LEMD1: variants seen among roughly 807,000 people sequenced by gnomAD.
The protein encoded by LEMD1 is LEM domain containing 1, also known as LEM domain-containing protein 1.
A neutral mutation model predicts 17.4 loss-of-function variants in LEMD1; 18 were observed. That is an observed-to-expected ratio of 1.04 (90% CI 0.72 to 1.54). The LOEUF (loss-of-function observed/expected upper bound fraction) is 1.54. LEMD1 is among the 40% of genes most tolerant of loss of function. LEMD1 has a pLI of 0.00. For synonymous variants in LEMD1, 88 were observed against 77.8 expected (o/e 1.13, Z -0.69); for missense variants, 195 against 210.4 (o/e 0.93, Z 0.45).
chr1:205,401,659 C>T (rs1320848630), intron 4 of LEMD1, among the ~76,000 whole-genome samples: 2 of 152,270 alleles, frequency 1.3e-5, no homozygotes, highest in African/African-American at 4.8e-5. Context: ...CCTGTTCACT[C>T]TTTTGCTGTG....
intron 1 of LEMD1, 25 bp from the exon 2 acceptor site, chr1:205,420,599 C>T: frequency 1.6e-6 from 2 of 1,230,526 alleles, no homozygotes; most frequent in Non-Finnish European, 1.2e-6. Flanking sequence ...ACATTAAATT[C>T]ATTAAGACAG....
chr1:205,413,548 T>G (rs1665548166), intron 4 of LEMD1, among the ~76,000 whole-genome samples: 1 of 150,060 alleles, frequency 6.7e-6, no homozygotes, highest in Non-Finnish European at 1.5e-5. Context: ...CTCAGCCTCC[T>G]GAATAGCTGG....
At chr1:205,382,027 G>A in intron 5 of LEMD1, 171 bp from the exon 6 acceptor site, 1 of 628,162 alleles carries the variant, frequency 1.6e-6, no homozygotes, top group South Asian at 2.0e-5. Flanking sequence ...TTTAAGACAG[G>A]ATCTTGTTCT....
chr1:205,412,081 G>C (rs1473048945), intron 4 of LEMD1, among the ~76,000 whole-genome samples: 2 of 152,104 alleles, frequency 1.3e-5, no homozygotes, highest in African/African-American at 2.4e-5. Flanking sequence ...ATCCCTTCAG[G>C]TTAGTGTCCT....
At chr1:205,400,197 G>A (rs984457017) in intron 4 of LEMD1, among the ~76,000 whole-genome samples, 2 of 152,178 alleles carry the variant, frequency 1.3e-5, no homozygotes, top group African/African-American at 4.8e-5. Flanking sequence ...AGGTAGCTGG[G>A]ACTACGGGCA....
chr1:205,410,804 C>G (rs922205299), intron 4 of LEMD1, among the ~76,000 whole-genome samples: 4 of 151,542 alleles, frequency 2.6e-5, no homozygotes, highest in African/African-American at 9.7e-5. Context: ...GAGGTCAAGG[C>G]TGCAGTGAAT....
intron 4 of LEMD1, among the ~76,000 whole-genome samples, chr1:205,411,276 A>G (rs1293531499): frequency 6.6e-6 from 1 of 151,452 alleles, no homozygotes; most frequent in Non-Finnish European, 1.5e-5. Context: ...GAAAGAAGAA[A>G]GAAAGAGAGG....
At chr1:205,421,760 T>A (rs1574999209) in intron 1 of LEMD1, among the ~76,000 whole-genome samples, 1 of 152,196 alleles carries the variant, frequency 6.6e-6, no homozygotes, top group Non-Finnish European at 1.5e-5. Context: ...GGACAATGCA[T>A]CTCAGCACCT....
At position 205,381,681 on chromosome 1, in the gene LEMD1, C is replaced by T. The variant is rs1161213640; in HGVS notation, c.523G>A (p.Glu175Lys). The change falls in exon 6 of 6, where the codon GAA (glutamate) becomes AAA (lysine). Residue 175 changes from glutamate to lysine, a missense_variant. Glu to Lys is a moderately conservative substitution (Grantham distance 56, BLOSUM62 1). Coordinates refer to ENST00000367153, the MANE Select transcript of LEMD1 (RefSeq NM_001199050.2). ...IIVVFVYLTV[E>K]NKSLFG ...ACTTAACCAAACAGCGACTTATTTT[C>T]CACAGTCAGGTAGACAAACACCACA... 3 of 1,614,116 alleles carry T rather than the reference C, an allele frequency of 1.9e-6. No individual in the cohort carries two copies. The highest frequency in any genetic ancestry group is 2.5e-6 in the Non-Finnish European group (3 of 1,180,052).
chr1:205,411,605 GGAAGGAAA>G (rs1374590136), intron 4 of LEMD1, among the ~76,000 whole-genome samples: 18 of 136,256 alleles, frequency 1.3e-4, no homozygotes, highest in East Asian at 2.1e-4. Flanking sequence ...AAGGAAGGTA[GGAAGGAAA>G]GAAGGAAAGA....
chr1:205,447,748 C>A (rs1302314659), intron 1 of LEMD1, among the ~76,000 whole-genome samples: 2 of 90,372 alleles, frequency 2.2e-5, no homozygotes, highest in Admixed American at 1.2e-4. Flanking sequence ...TCCAGCCTGT[C>A]GCCCGGGGGA....
At position 205,395,123 on chromosome 1, in the gene LEMD1, G is replaced by A. The variant is rs149483462; in HGVS notation, c.271-10759C>T. On this transcript the variant is annotated intron_variant, in intron 4 of 5. Coordinates refer to ENST00000367153, the MANE Select transcript of LEMD1 (RefSeq NM_001199050.2). ...AAGGAAATACATACTGAAATTTTGGGCAGAGGTCAAAAAAACATGATGTCT... is the reference window on the plus strand; with the variant it reads ...AAGGAAATACATACTGAAATTTTGGACAGAGGTCAAAAAAACATGATGTCT... 3.3e-5 allele frequency among the ~76,000 whole-genome samples: 5 copies of A among 152,088 alleles called. No individual in the cohort carries two copies. In the East Asian group the frequency reaches 9.6e-4, roughly 29 times the overall value.
chr1:205,407,272 G>A (rs1665158958), intron 4 of LEMD1, among the ~76,000 whole-genome samples: 1 of 146,348 alleles, frequency 6.8e-6, no homozygotes, highest in Admixed American at 7.1e-5. Flanking sequence ...GGAGGTTGCA[G>A]TAAGCTGAAA....
chr1:205,401,318 G>A (rs1440073581), intron 4 of LEMD1, among the ~76,000 whole-genome samples: 1 of 152,190 alleles, frequency 6.6e-6, no homozygotes, highest in Non-Finnish European at 1.5e-5. Context: ...TACCAAGAGT[G>A]TAAAAGTGTT....
At chr1:205,402,160 G>A (rs954563949) in intron 4 of LEMD1, among the ~76,000 whole-genome samples, 4 of 152,044 alleles carry the variant, frequency 2.6e-5, no homozygotes, top group African/African-American at 9.7e-5. Flanking sequence ...TTGTTCTTTT[G>A]GCTTAGGATT....
chr1:205,392,042 C>T (rs891441131), intron 4 of LEMD1, among the ~76,000 whole-genome samples: 2 of 150,852 alleles, frequency 1.3e-5, no homozygotes, highest in Non-Finnish European at 3.0e-5. Context: ...ACCCGGGAGG[C>T]GGAGGTTTAA....
Position 205,408,498 on chromosome 1 carries a change from CTTTCT to C in LEMD1, c.270+7729_270+7733del, listed in dbSNP as rs1486684272. Among the ~76,000 whole-genome samples the C allele has an allele frequency of 3.8e-3, 461 of 121,684 alleles. 1 individual carries two copies. Among genetic ancestry groups the C allele is most frequent in the African/African-American group, 0.014 (431 of 30,316 alleles). The allele number at this position is 121,684 out of a possible 152,430, so 79.8% of individuals were successfully genotyped here. ...TTAATAACTTTTTCTTTCTTTCTTT[CTTTCT>C]TTTTTTTTTTTTTTTGAGACAGGAT... On this transcript the variant is annotated intron_variant, in intron 4 of 5. Coordinates refer to ENST00000367153, the MANE Select transcript of LEMD1 (RefSeq NM_001199050.2).
intron 4 of LEMD1, among the ~76,000 whole-genome samples, chr1:205,409,778 T>A (rs1181827747): frequency 1.1e-3 from 111 of 105,496 alleles, no homozygotes; most frequent in African/African-American, 4.0e-3. Flanking sequence ...TAATTAATTT[T>A]TTTTTTTTTT....
Position 205,438,769 on chromosome 1 carries a change from C to T in LEMD1, c.-39+11099G>A, listed in dbSNP as rs1666247768. 2.0e-5 allele frequency among the ~76,000 whole-genome samples: 3 copies of T among 152,018 alleles called. 1 individual carries two copies. In the South Asian group the frequency reaches 6.2e-4, roughly 32 times the overall value. On this transcript the variant is annotated intron_variant, in intron 1 of 3. Coordinates refer to the LEMD1 transcript ENST00000367154. The stretch of plus-strand genomic sequence containing the variant: ...TGACCTTGGGACCCCACCCATGTTC[C>T]CAAAGCCAGGGCTCAAGATATCTAG...
Sources: allele counts gnomAD v4.1 joint callset (sites outside exome capture counted in the v4.1 genomes callset), GRCh38; gene constraint gnomAD v4.1.1; transcripts MANE v1.5; gene names NCBI Gene and HGNC (gene_info 2026-07-23, HGNC 2026-07-21).